DNAH14: variants seen among roughly 807,000 people sequenced by gnomAD.
The protein encoded by DNAH14 is dynein axonemal heavy chain 14, also known as axonemal beta dynein heavy chain 14.
Under a neutral mutation model 520.9 loss-of-function variants are expected in DNAH14, and 478 were observed. The ratio of observed to expected loss-of-function variants is 0.92; its 90% confidence interval spans 0.85 to 0.99. The LOEUF (loss-of-function observed/expected upper bound fraction) is 0.99, where lower values mean the gene tolerates loss of function less well. Ranked by LOEUF, DNAH14 falls within the 50% of genes least tolerant of loss-of-function variation. The probability of loss-of-function intolerance (pLI) is 0.00; values close to 1 mark genes in which losing one functional copy is unlikely to be tolerated. For synonymous variants in DNAH14, 1,581 were observed against 1,757.2 expected, an observed-to-expected ratio of 0.90 and a Z score of 2.51; for missense variants, 4,831 against 5,234.5, an observed-to-expected ratio of 0.92 and a Z score of 2.38.
chr1:224,943,101 C>T (rs2059540548), intron 1 of DNAH14, among the ~76,000 whole-genome samples: 1 of 152,170 alleles, frequency 6.6e-6, no homozygotes, highest in Non-Finnish European at 1.5e-5. Context: ...CCTTGTACTT[C>T]TGGTAGAATT....
At chr1:225,272,596 C>T (rs1051897651) in intron 51 of DNAH14, among the ~76,000 whole-genome samples, 1 of 152,114 alleles carries the variant, frequency 6.6e-6, no homozygotes, top group Non-Finnish European at 1.5e-5. Flanking sequence ...ATTTTTAATC[C>T]AAATTTAGAA....
chr1:224,968,684 G>A, intron 6 of DNAH14, 75 bp from the exon 7 acceptor site: 4 of 946,514 alleles, frequency 4.2e-6, no homozygotes, highest in South Asian at 1.9e-5. Flanking sequence ...GCCAAATACA[G>A]GCTTTCTTAA....
intron 41 of DNAH14, among the ~76,000 whole-genome samples, chr1:225,217,284 C>T (rs1186904919): frequency 6.6e-6 from 1 of 152,172 alleles, no homozygotes; most frequent in African/African-American, 2.4e-5. Flanking sequence ...CAGAGGTGCA[C>T]TGCCCTGCGA....
chr1:225,006,867 T>A (rs758150361), intron 9 of DNAH14, among the ~76,000 whole-genome samples: 7 of 152,196 alleles, frequency 4.6e-5, no homozygotes, highest in Non-Finnish European at 8.8e-5. Flanking sequence ...AAAAACTTGC[T>A]GGTTTTGCGG....
At chr1:225,084,269 T>C (rs2073482557) in intron 20 of DNAH14, among the ~76,000 whole-genome samples, 1 of 152,102 alleles carries the variant, frequency 6.6e-6, no homozygotes, top group Non-Finnish European at 1.5e-5. Context: ...TAATTTCAAG[T>C]GAACTCTAAG....
At chr1:225,354,767 G>A (rs1376633790) in intron 73 of DNAH14, among the ~76,000 whole-genome samples, 3 of 152,074 alleles carry the variant, frequency 2.0e-5, no homozygotes, top group East Asian at 3.9e-4. Flanking sequence ...ATTTAGTGAA[G>A]GGAAAATCTC....
rs1200713939 is a variant in DNAH14 at position 225,335,662 on chromosome 1, C to CAT, written c.10081-1601_10081-1600dup. ...GCATATATGTATATACGCATATATACATATGTGCATATATGTATATACGCA... is the reference window on the plus strand; with the variant it reads ...GCATATATGTATATACGCATATATACATATATGTGCATATATGTATATACGCA... On this transcript the variant is annotated intron_variant, in intron 66 of 85. Coordinates refer to ENST00000682510, the MANE Select transcript of DNAH14 (RefSeq NM_001367479.1). 3.7e-3 allele frequency among the ~76,000 whole-genome samples: 409 copies of CAT among 109,444 alleles called. 116 individuals are homozygous for CAT. The highest frequency in any genetic ancestry group is 9.9e-3 in the African/African-American group (242 of 24,332). 71.8% of individuals were successfully genotyped at this position (109,444 alleles called of 152,430 possible). A position where few individuals can be genotyped will look rare whatever the true frequency, so the allele number is the denominator to read the frequency against.
intron 78 of DNAH14, among the ~76,000 whole-genome samples, chr1:225,375,756 T>C (rs1242687096): frequency 6.6e-6 from 1 of 151,808 alleles, no homozygotes; most frequent in Non-Finnish European, 1.5e-5. Flanking sequence ...AGGGCTTTTT[T>C]TTTTTTAAGA....
chr1:225,139,923 T>A (rs1205677247), intron 27 of DNAH14, among the ~76,000 whole-genome samples: 1 of 152,228 alleles, frequency 6.6e-6, no homozygotes, highest in Non-Finnish European at 1.5e-5. Flanking sequence ...CTGCTCATCA[T>A]GAGCTTGCAA....
chr1:225,108,549 A>C (rs958648458), intron 23 of DNAH14, among the ~76,000 whole-genome samples: 1 of 152,014 alleles, frequency 6.6e-6, no homozygotes, highest in African/African-American at 2.4e-5. Context: ...CAGATTATTA[A>C]ATTTTTATTG....
intron 42 of DNAH14, among the ~76,000 whole-genome samples, chr1:225,233,067 C>A (rs890079072): frequency 3.3e-5 from 5 of 152,182 alleles, no homozygotes; most frequent in African/African-American, 1.2e-4. Context: ...GTTTGGTTTT[C>A]TGTTCCTGCA....
chr1:225,204,686 C>G (rs1195895436), intron 39 of DNAH14, among the ~76,000 whole-genome samples: 1 of 152,178 alleles, frequency 6.6e-6, no homozygotes. Context: ...AACTGCACAC[C>G]TGTAATATGC....
rs1183519060 is a variant in DNAH14, at chr1:225,089,417, C to T, written c.3573+3628C>T. ...CAAGATCGTGTCTTTGCACTCCAGC[C>T]TGGGCAACAAGAGCAAAACTCCGTC... On this transcript the variant is annotated intron_variant, in intron 21 of 85. Transcript: ENST00000682510. Among the ~76,000 whole-genome samples, 10 of 115,238 alleles carry T rather than the reference C, an allele frequency of 8.7e-5. No homozygotes were observed. The East Asian group carries it at 2.4e-3, about 28-fold the overall frequency. The allele number at this position is 115,238 out of a possible 152,430, so 75.6% of individuals were successfully genotyped here. A position where few individuals can be genotyped will look rare whatever the true frequency, so the allele number is the denominator to read the frequency against.
chr1:225,199,034 T>A (rs915751069), intron 38 of DNAH14, among the ~76,000 whole-genome samples: 1 of 152,220 alleles, frequency 6.6e-6, no homozygotes, highest in African/African-American at 2.4e-5. Context: ...GTTATTGGTC[T>A]ATACAGGGTA....
chr1:225,318,535 C>T (rs1318546163), intron 60 of DNAH14, 48 bp from the exon 61 acceptor site: 28 of 1,455,504 alleles, frequency 1.9e-5, no homozygotes, highest in Admixed American at 1.3e-4. Flanking sequence ...TTTAAATATG[C>T]AACTATATTG....
chr1:225,014,646 C>T (rs1191057667), intron 10 of DNAH14, among the ~76,000 whole-genome samples: 1 of 152,072 alleles, frequency 6.6e-6, no homozygotes, highest in Non-Finnish European at 1.5e-5. Context: ...TAGCTCTATT[C>T]CCCTGTGCTC....
intron 8 of DNAH14, among the ~76,000 whole-genome samples, chr1:224,996,172 G>C (rs936430261): frequency 6.7e-6 from 1 of 148,698 alleles, no homozygotes; most frequent in East Asian, 2.0e-4. Context: ...GCTTTTATAG[G>C]TTTTTTTTTT....
chr1:225,003,981 C>T (rs1905116), intron 9 of DNAH14, among the ~76,000 whole-genome samples: 110,044 of 151,830 alleles, frequency 0.72, 41,051 homozygotes, highest in African/African-American at 0.9. Flanking sequence ...CCTTAAATGC[C>T]ACCAAATGAT....
In DNAH14 at chr1:225,304,959, A is replaced by G; in HGVS notation, c.8875A>G (p.Lys2959Glu). The change falls in exon 58 of 86, where the codon AAA (lysine) becomes GAA (glutamate). Residue 2959 changes from lysine to glutamate, a missense_variant. Transcript: ENST00000682510. ...ATGTGTCCAAATCCACAAAAGCATG[A>G]AAGACTTGAACAGAAAATACTTTGA... is the stretch of plus-strand genomic sequence containing the variant. ...PTCVQIHKSMKDLNRKYFEET... is the reference protein window; with the variant it reads ...PTCVQIHKSMEDLNRKYFEET... 6 of 1,539,946 alleles carry G rather than the reference A, an allele frequency of 3.9e-6. No individual in the cohort carries two copies. The highest frequency in any genetic ancestry group is 5.2e-6 in the Non-Finnish European group (6 of 1,144,546).
Sources: gnomAD v4.1 joint callset for allele counts (sites outside exome capture counted in the v4.1 genomes callset) on GRCh38, gnomAD v4.1.1 for gene constraint, MANE v1.5 for transcripts, NCBI Gene and HGNC (gene_info 2026-07-23, HGNC 2026-07-21) for gene names.